Variants in RALGPS1 observed in about 807,000 individuals in gnomAD.
RALGPS1 encodes ras-specific guanine nucleotide-releasing factor RalGPS1.
In RALGPS1, 19 loss-of-function variants were observed where a neutral mutation model predicts 78.8. That is an observed-to-expected ratio of 0.24 (90% CI 0.17 to 0.35). The LOEUF is 0.35. Ranked by LOEUF, RALGPS1 falls within the 10% of genes least tolerant of loss-of-function variation. The pLI, the probability that RALGPS1 is intolerant of heterozygous loss-of-function variation, is 1.00. For synonymous variants in RALGPS1, 228 were observed against 256.3 expected (o/e 0.89, Z 1.06); for missense variants, 454 against 688.3 (o/e 0.66, Z 3.81).
chr9:127,212,250 C>T lies in RALGPS1; in HGVS notation c.1353+14C>T. 3 of 1,589,736 alleles carry T rather than the reference C, an allele frequency of 1.9e-6. No individual in the cohort carries two copies. The highest frequency in any genetic ancestry group is 2.6e-6 in the Non-Finnish European group (3 of 1,163,562). On this transcript the variant is annotated intron_variant, in intron 15 of 18. Coordinates refer to ENST00000259351, the MANE Select transcript of RALGPS1 (RefSeq NM_014636.3). The surrounding 1 kb of genome is among the most constrained non-coding windows in gnomAD (Gnocchi z 6.0). ...CGGAAGCCTGCGGTAAGTACAGACCCACATCCACCGGGGCAGCAGGGGCTT... is the reference window on the plus strand; with the variant it reads ...CGGAAGCCTGCGGTAAGTACAGACCTACATCCACCGGGGCAGCAGGGGCTT...
At chr9:126,948,649 T>C (rs1238648979) in intron 1 of RALGPS1, among the ~76,000 whole-genome samples, 1 of 152,154 alleles carries the variant, frequency 6.6e-6, no homozygotes, top group Non-Finnish European at 1.5e-5. Flanking sequence ...CCTCCTCAGC[T>C]TCAGCATACA....
At chr9:127,194,515 C>T (rs925551553) in intron 11 of RALGPS1, among the ~76,000 whole-genome samples, 3 of 152,192 alleles carry the variant, frequency 2.0e-5, no homozygotes, top group Non-Finnish European at 1.5e-5. Flanking sequence ...CGGGTTCAAG[C>T]GATTCTTCTG....
intron 1 of RALGPS1, among the ~76,000 whole-genome samples, chr9:126,957,926 C>T (rs975035350): frequency 6.6e-6 from 1 of 151,608 alleles, no homozygotes; most frequent in Non-Finnish European, 1.5e-5. Flanking sequence ...ATCGCTTGAG[C>T]CCAGCCTCAA....
chr9:127,165,091 A>G (rs757691416), intron 8 of RALGPS1, among the ~76,000 whole-genome samples: 42 of 152,162 alleles, frequency 2.8e-4, no homozygotes, highest in Admixed American at 1.3e-4. Context: ...CTTCTTGATC[A>G]CCTGGACTTT....
chr9:127,090,083 G>A (rs2136358560), intron 8 of RALGPS1, among the ~76,000 whole-genome samples: 1 of 152,268 alleles, frequency 6.6e-6, no homozygotes, highest in Non-Finnish European at 1.5e-5. Context: ...AGTTTTTCTG[G>A]GGGTCCCTCT....
chr9:127,044,312 A>G (rs1255611766), intron 5 of RALGPS1, among the ~76,000 whole-genome samples: 1 of 151,696 alleles, frequency 6.6e-6, no homozygotes, highest in Non-Finnish European at 1.5e-5. Flanking sequence ...GCTGGAGTGC[A>G]GTGGCGTGAT....
At chr9:126,952,742 C>T (rs2037980994) in intron 1 of RALGPS1, among the ~76,000 whole-genome samples, 1 of 151,664 alleles carries the variant, frequency 6.6e-6, no homozygotes, top group Non-Finnish European at 1.5e-5. Flanking sequence ...CACACGTGTA[C>T]ACTTACTGTT....
intron 14 of RALGPS1, among the ~76,000 whole-genome samples, chr9:127,199,691 C>T (rs938253499): frequency 1.3e-5 from 2 of 152,158 alleles, no homozygotes; most frequent in East Asian, 1.9e-4. Context: ...CACAGCTCCA[C>T]GTACTAGTGT....
chr9:126,943,301 C>T (rs1194697793), intron 1 of RALGPS1, among the ~76,000 whole-genome samples: 2 of 152,094 alleles, frequency 1.3e-5, no homozygotes, highest in Non-Finnish European at 2.9e-5. Flanking sequence ...CACCACCACG[C>T]CCGGCTAATT....
At position 127,214,965 on chromosome 9, in the gene RALGPS1, C is replaced by T. The variant is rs1305008107; in HGVS notation, c.1644+123C>T. Reference sequence around the variant, plus strand: ...CCCATTAGCCACACTCTCAGATACCCTCTTCTGATCAGCATCTTCCCTTGA... The same window carrying T: ...CCCATTAGCCACACTCTCAGATACCTTCTTCTGATCAGCATCTTCCCTTGA... On this transcript the variant is annotated intron_variant, in intron 18 of 18. Coordinates refer to ENST00000259351, the MANE Select transcript of RALGPS1 (RefSeq NM_014636.3). 6 of 1,468,666 alleles carry T rather than the reference C, an allele frequency of 4.1e-6. No homozygotes were observed. In the African/African-American group the frequency reaches 8.7e-5, roughly 21 times the overall value. 91.0% of individuals were successfully genotyped at this position (1,468,666 alleles called of 1,614,324 possible).
At chr9:127,062,827 A>G (rs921149129) in intron 7 of RALGPS1, among the ~76,000 whole-genome samples, 1 of 152,200 alleles carries the variant, frequency 6.6e-6, no homozygotes, top group East Asian at 1.9e-4. Flanking sequence ...CTAATATTTT[A>G]TATTAGGTAT....
At chr9:127,137,154 TC>T (rs1397068344) in intron 8 of RALGPS1, among the ~76,000 whole-genome samples, 5 of 152,212 alleles carry the variant, frequency 3.3e-5, no homozygotes, top group Non-Finnish European at 7.3e-5. Context: ...GGATGGCTGT[TC>T]TTTTTGCCCA....
chr9:127,177,753 A>T, intron 11 of RALGPS1: 2 of 1,432,782 alleles, frequency 1.4e-6, no homozygotes, highest in South Asian at 2.5e-5. Flanking sequence ...GAAAGGAGGC[A>T]CTGCATTTCC....
intron 4 of RALGPS1, among the ~76,000 whole-genome samples, chr9:127,018,404 A>G (rs1205151976): frequency 3.3e-5 from 5 of 151,392 alleles, no homozygotes; most frequent in Non-Finnish European, 7.4e-5. Flanking sequence ...TTGGGAGGCC[A>G]AGGCAGGTGG....
chr9:127,200,929 A>T (rs867795730), intron 14 of RALGPS1, among the ~76,000 whole-genome samples: 2 of 152,108 alleles, frequency 1.3e-5, no homozygotes, highest in Admixed American at 1.3e-4. Flanking sequence ...TCATTCTTTC[A>T]CTCGCTTATT....
intron 18 of RALGPS1, chr9:127,217,418 A>G: frequency 1.0e-6 from 1 of 988,956 alleles, no homozygotes; most frequent in Non-Finnish European, 1.2e-6. Flanking sequence ...GGTGTAAGAA[A>G]GAGTGTGACA....
chr9:126,934,620 A>C (rs2036093630), intron 1 of RALGPS1, among the ~76,000 whole-genome samples: 1 of 152,182 alleles, frequency 6.6e-6, no homozygotes, highest in African/African-American at 2.4e-5. Context: ...TCTTCACCAC[A>C]TGAAGCTCTG....
At chr9:127,086,995 G>C (rs879799753) in intron 8 of RALGPS1, among the ~76,000 whole-genome samples, 2 of 152,154 alleles carry the variant, frequency 1.3e-5, no homozygotes, top group Non-Finnish European at 2.9e-5. Flanking sequence ...TTTTTGATCT[G>C]AGCAATTGAG....
chr9:127,049,522 T>G (rs2048114914), intron 5 of RALGPS1, among the ~76,000 whole-genome samples: 1 of 152,202 alleles, frequency 6.6e-6, no homozygotes, highest in Non-Finnish European at 1.5e-5. Context: ...GGGATGGGCC[T>G]CTCCCAAAAA....
Sources: allele counts gnomAD v4.1 joint callset (sites outside exome capture counted in the v4.1 genomes callset), GRCh38; gene constraint gnomAD v4.1.1; non-coding constraint Gnocchi (gnomAD v3.1); transcripts MANE v1.5; gene names NCBI Gene and HGNC (gene_info 2026-07-23, HGNC 2026-07-21).